The following PPM1L variants were observed in gnomAD, a reference collection of about 807,000 sequenced individuals.
The protein encoded by PPM1L is protein phosphatase 1L.
PPM1L carries 13 observed loss-of-function variants against 31.4 expected under a neutral mutation model. That is an observed-to-expected ratio of 0.41 (90% CI 0.27 to 0.66). PPM1L has a LOEUF of 0.66. PPM1L is among the 30% of genes least tolerant of loss of function. PPM1L has a pLI of 0.29. For missense variants in PPM1L, 326 were observed against 453.7 expected (o/e 0.72, Z 2.56); for synonymous variants, 184 against 175.4 (o/e 1.05, Z -0.39).
intron 1 of PPM1L, among the ~76,000 whole-genome samples, chr3:160,875,652 G>A (rs1044530000): frequency 4.6e-5 from 7 of 152,150 alleles, no homozygotes; most frequent in Non-Finnish European, 7.4e-5. Context: ...GTGCCTGCAG[G>A]TCTTCTCATT....
At chr3:160,787,911 A>G (rs1357474010) in intron 1 of PPM1L, among the ~76,000 whole-genome samples, 2 of 152,116 alleles carry the variant, frequency 1.3e-5, no homozygotes, top group African/African-American at 4.8e-5. Flanking sequence ...GTTGTGAAAC[A>G]TGAGATGGTT....
At chr3:161,021,458 G>C (rs114345381) in intron 2 of PPM1L, among the ~76,000 whole-genome samples, 1,921 of 152,150 alleles carry the variant, frequency 0.013, 40 homozygotes, top group African/African-American at 0.045. Context: ...CCTGGAGAAT[G>C]TCCTGTGTAT....
At chr3:161,007,674 A>G (rs907522190) in intron 2 of PPM1L, among the ~76,000 whole-genome samples, 1 of 152,108 alleles carries the variant, frequency 6.6e-6, no homozygotes, top group African/African-American at 2.4e-5. Context: ...TTAGCTCATC[A>G]GCTTTCGTTA....
At chr3:160,930,153 G>T (rs1714736311) in intron 1 of PPM1L, among the ~76,000 whole-genome samples, 1 of 152,066 alleles carries the variant, frequency 6.6e-6, no homozygotes, top group Admixed American at 6.5e-5. Flanking sequence ...CACAAAACAG[G>T]TCGCAAAGTG....
At chr3:160,963,573 T>C (rs1716036896) in intron 2 of PPM1L, among the ~76,000 whole-genome samples, 1 of 152,012 alleles carries the variant, frequency 6.6e-6, no homozygotes, top group East Asian at 1.9e-4. Flanking sequence ...ATAGTGGAAA[T>C]GGCTGAAATT....
Position 160,910,261 on chromosome 3 carries a change from T to C in PPM1L, c.400-51475T>C, listed in dbSNP as rs200088682. On this transcript the variant is annotated intron_variant, in intron 1 of 3. Coordinates refer to ENST00000498165, the MANE Select transcript of PPM1L (RefSeq NM_139245.4). ...TCCCCTTTCCTTTCCCCTTCCCCTTTCCCCTTCCCCTTCCCCTTCCCTTTC... is the reference window on the plus strand; with the variant it reads ...TCCCCTTTCCTTTCCCCTTCCCCTTCCCCCTTCCCCTTCCCCTTCCCTTTC... 3.4e-3 allele frequency among the ~76,000 whole-genome samples: 183 copies of C among 53,346 alleles called. 1 individual carries two copies. The highest frequency in any genetic ancestry group is 0.024 in the East Asian group (22 of 906). 35.0% of individuals were successfully genotyped at this position (53,346 alleles called of 152,430 possible). A position where few individuals can be genotyped will look rare whatever the true frequency, so the allele number is the denominator to read the frequency against.
chr3:160,973,543 A>G (rs997256885), intron 2 of PPM1L, among the ~76,000 whole-genome samples: 1 of 152,194 alleles, frequency 6.6e-6, no homozygotes. Context: ...AAAATAAAAT[A>G]GTTTTTAAAG....
In PPM1L at chr3:160,962,576, C is replaced by T. The variant is rs555503078; in HGVS notation, c.574+666C>T. On this transcript the variant is annotated intron_variant, in intron 2 of 3. Coordinates refer to ENST00000498165, the MANE Select transcript of PPM1L (RefSeq NM_139245.4). ...AAATACCCTGATTAAAATTGCTATA[C>T]CTCTCCACCTCCCCCTCTCAAAAAA... 2.0e-5 allele frequency among the ~76,000 whole-genome samples: 3 copies of T among 150,412 alleles called. No individual in the cohort carries two copies. The South Asian group carries it at 6.2e-4, about 31-fold the overall frequency.
chr3:160,775,311 A>G (rs1711538598), intron 1 of PPM1L, among the ~76,000 whole-genome samples: 1 of 152,214 alleles, frequency 6.6e-6, no homozygotes, highest in South Asian at 2.1e-4. Flanking sequence ...TTGTTAAGGC[A>G]TTCATATAGG....
intron 1 of PPM1L, among the ~76,000 whole-genome samples, chr3:160,786,072 C>T (rs1410675086): frequency 6.7e-6 from 1 of 149,068 alleles, no homozygotes; most frequent in East Asian, 2.0e-4. Flanking sequence ...TGCCAGAGCA[C>T]TGTATCTTTA....
intron 1 of PPM1L, among the ~76,000 whole-genome samples, chr3:160,838,532 G>T (rs1289912763): frequency 2.6e-5 from 4 of 151,818 alleles, no homozygotes; most frequent in Admixed American, 2.0e-4. Context: ...AGGTTTTTTA[G>T]AAGTAGCTGG....
rs1379603632 is a variant in PPM1L, at chr3:160,907,630, T to A, written c.400-54106T>A. ...TCTAGCCAAATTCCTTTTTAAGTAT[T>A]GTCACTATGTTTAATGAATACTAAA... is the stretch of plus-strand genomic sequence containing the variant. On this transcript the variant is annotated intron_variant, in intron 1 of 3. Transcript: ENST00000498165. Among the ~76,000 whole-genome samples, 3 of 152,190 alleles carry A rather than the reference T, an allele frequency of 2.0e-5. No individual in the cohort carries two copies. In the East Asian group the frequency reaches 5.8e-4, roughly 29 times the overall value.
intron 1 of PPM1L, among the ~76,000 whole-genome samples, chr3:160,843,314 G>T (rs758896661): frequency 2.7e-4 from 40 of 150,312 alleles, no homozygotes; most frequent in Non-Finnish European, 4.6e-4. Context: ...TGTCCAACCC[G>T]CGGTCCATGT....
At chr3:160,874,479 T>C (rs1399016175) in intron 1 of PPM1L, among the ~76,000 whole-genome samples, 1 of 152,216 alleles carries the variant, frequency 6.6e-6, no homozygotes, top group East Asian at 1.9e-4. Context: ...CAAAATGGAT[T>C]TCTATTGCTT....
rs375944362 is a variant in PPM1L at position 160,940,262 on chromosome 3, C to A, written c.400-21474C>A. Among the ~76,000 whole-genome samples, 25 of 152,262 alleles carry A rather than the reference C, an allele frequency of 1.6e-4. 1 individual carries two copies. In the South Asian group the frequency reaches 5.2e-3, roughly 32 times the overall value. Reference sequence around the variant, plus strand: ...GCACAAGCATTTGGAAAATTTGGAGCCTGACTATGCAATAGAAAAGAAAAA... The same window carrying A: ...GCACAAGCATTTGGAAAATTTGGAGACTGACTATGCAATAGAAAAGAAAAA... On this transcript the variant is annotated intron_variant, in intron 1 of 3. Coordinates refer to ENST00000498165, the MANE Select transcript of PPM1L (RefSeq NM_139245.4).
chr3:160,971,054 A>G (rs932587723), intron 2 of PPM1L, among the ~76,000 whole-genome samples: 2 of 152,160 alleles, frequency 1.3e-5, no homozygotes, highest in Non-Finnish European at 2.9e-5. Context: ...AAGCCAAATT[A>G]TCTTTTGGTG....
intron 2 of PPM1L, among the ~76,000 whole-genome samples, chr3:160,990,281 G>A (rs1345532552): frequency 6.6e-6 from 1 of 151,678 alleles, no homozygotes; most frequent in African/African-American, 2.4e-5. Context: ...GGATTACAGG[G>A]GTGAGCCACC....
chr3:160,944,126 G>A (rs1369071321), intron 1 of PPM1L, among the ~76,000 whole-genome samples: 1 of 151,846 alleles, frequency 6.6e-6, no homozygotes, highest in Admixed American at 6.6e-5. Flanking sequence ...TTTTCTTGCT[G>A]TTTGAGAGAC....
intron 2 of PPM1L, among the ~76,000 whole-genome samples, chr3:161,032,866 ATTTT>A (rs61145165): frequency 0.05 from 5,354 of 107,340 alleles, 154 homozygotes; most frequent in African/African-American, 0.081. Context: ...CTAATTTTGT[ATTTT>A]TTTTTTTTTT....
Sources: gnomAD v4.1 joint callset for allele counts (sites outside exome capture counted in the v4.1 genomes callset) on GRCh38, gnomAD v4.1.1 for gene constraint, MANE v1.5 for transcripts, NCBI Gene and HGNC (gene_info 2026-07-23, HGNC 2026-07-21) for gene names.